CCNY: variants seen among roughly 807,000 people sequenced by gnomAD.
CCNY encodes the protein cyclin-Y.
A neutral mutation model predicts 42.8 loss-of-function variants in CCNY; 19 were observed. That is an observed-to-expected ratio of 0.44 (90% CI 0.31 to 0.65). CCNY has a LOEUF of 0.65. CCNY is among the 30% of genes least tolerant of loss of function. The pLI is 0.07. For synonymous variants in CCNY, 165 were observed against 162.7 expected (o/e 1.01, Z -0.11); for missense variants, 370 against 437.3 (o/e 0.85, Z 1.37).
chr10:35,439,811 C>T (rs1392700063), intron 1 of CCNY, among the ~76,000 whole-genome samples: 1 of 152,062 alleles, frequency 6.6e-6, no homozygotes, highest in East Asian at 1.9e-4. Flanking sequence ...TGGTGGGCCA[C>T]TCCCTTGTTA....
intron 1 of CCNY, among the ~76,000 whole-genome samples, chr10:35,354,517 G>A (rs1216447951): frequency 3.3e-5 from 5 of 152,306 alleles, no homozygotes; most frequent in African/African-American, 1.2e-4. Flanking sequence ...GAGCTTAGAA[G>A]TGACATTTCG....
In CCNY at chr10:35,566,096, T is replaced by C; in HGVS notation, c.820T>C (p.Tyr274His). 1 of 1,614,208 alleles carries C rather than the reference T, an allele frequency of 6.2e-7. No individual in the cohort carries two copies. The highest frequency in any genetic ancestry group is 8.5e-7 in the Non-Finnish European group (1 of 1,180,028). ...INVPSSVYAK[Y>H]YFDLRSLAEA... is the part of the protein sequence containing the mutation. ...TGTTCCTTCCAGTGTCTATGCCAAG[T>C]ATTATTTTGATCTTCGTTCTCTGGC... The change falls in exon 9 of 10, where the codon TAT becomes CAT. Residue 274 changes from tyrosine to histidine, a missense_variant. Around this residue, in one of 2 missense-constraint regions of CCNY, gnomAD observed 234 missense variants for 313.1 expected, o/e 0.75. Transcript: ENST00000374704.
chr10:35,542,513 G>A (rs1055028109), intron 7 of CCNY, among the ~76,000 whole-genome samples: 2 of 152,180 alleles, frequency 1.3e-5, no homozygotes, highest in African/African-American at 4.8e-5. Flanking sequence ...TATGCAGGCA[G>A]TTGTGTTCCA....
chr10:35,508,046 G>A (rs1273402361), intron 3 of CCNY, among the ~76,000 whole-genome samples: 2 of 152,096 alleles, frequency 1.3e-5, no homozygotes, highest in East Asian at 3.8e-4. Context: ...CAGTCTCTGG[G>A]CAGGTACTTT....
chr10:35,542,707 G>T (rs1463254194), intron 7 of CCNY, among the ~76,000 whole-genome samples: 1 of 152,214 alleles, frequency 6.6e-6, no homozygotes. Flanking sequence ...CCTTCTCAGA[G>T]TCTTGTGCTC....
chr10:35,523,735 T>C (rs1285137902), intron 4 of CCNY, among the ~76,000 whole-genome samples: 1 of 152,254 alleles, frequency 6.6e-6, no homozygotes, highest in Non-Finnish European at 1.5e-5. Context: ...TAAAAGTTAA[T>C]ATAAGATCAT....
chr10:35,264,233 T>C (rs907953241), intron 3 of CCNY, among the ~76,000 whole-genome samples: 3 of 151,706 alleles, frequency 2.0e-5, no homozygotes, highest in South Asian at 4.2e-4. Context: ...TATTTCTTTC[T>C]TTTTTTTTAT....
intron 1 of CCNY, among the ~76,000 whole-genome samples, chr10:35,407,922 G>A (rs536974768): frequency 3.3e-5 from 5 of 152,296 alleles, no homozygotes; most frequent in South Asian, 2.1e-4. Flanking sequence ...TCAGAGAGGC[G>A]TCCTCGCAAT....
At chr10:35,489,444 G>A (rs779925918) in intron 2 of CCNY, among the ~76,000 whole-genome samples, 51 of 152,032 alleles carry the variant, frequency 3.4e-4, no homozygotes, top group Non-Finnish European at 5.6e-4. Context: ...GGGACTACAG[G>A]CGCCCACCAC....
At position 35,530,313 on chromosome 10, in the gene CCNY, C is replaced by A; in HGVS notation, c.579+70C>A. On this transcript the variant is annotated intron_variant, in intron 7 of 9. Coordinates refer to ENST00000374704, the MANE Select transcript of CCNY (RefSeq NM_145012.6). This position sits in a 1 kb window ranked among gnomAD's most constrained non-coding sequence, Gnocchi z 4.3. Reference sequence around the variant, plus strand: ...TCCAGGGCCCGTTCCTGTTACTCAGCGGAGTGAGGTTGGAGCAGGGAATCC... The same window carrying A: ...TCCAGGGCCCGTTCCTGTTACTCAGAGGAGTGAGGTTGGAGCAGGGAATCC... 2 of 1,594,520 alleles carry A rather than the reference C, an allele frequency of 1.3e-6. No homozygotes were observed. The highest frequency in any genetic ancestry group is 2.2e-5 in the South Asian group (2 of 90,028).
At chr10:35,506,090 C>G (rs1840208182) in intron 3 of CCNY, among the ~76,000 whole-genome samples, 2 of 152,140 alleles carry the variant, frequency 1.3e-5, no homozygotes, top group African/African-American at 4.8e-5. Flanking sequence ...GCTTTTGCCT[C>G]TGGAATAGAA....
At chr10:35,499,643 G>T (rs1275535452) in intron 2 of CCNY, among the ~76,000 whole-genome samples, 1 of 152,212 alleles carries the variant, frequency 6.6e-6, no homozygotes, top group African/African-American at 2.4e-5. Flanking sequence ...TTTGCTGAAG[G>T]CAGGGGCTGA....
At chr10:35,468,678 C>G (rs1195743537) in intron 1 of CCNY, among the ~76,000 whole-genome samples, 1 of 152,028 alleles carries the variant, frequency 6.6e-6, no homozygotes. Flanking sequence ...AGATGGTGAG[C>G]CTGTCATCGG....
At chr10:35,486,993 C>T (rs1235216417) in intron 2 of CCNY, among the ~76,000 whole-genome samples, 6 of 152,190 alleles carry the variant, frequency 3.9e-5, no homozygotes, top group Admixed American at 6.5e-5. Context: ...GAATTTAAAA[C>T]GACCTTTTTG....
At chr10:35,307,332 G>A (rs1306895778) in intron 3 of CCNY, among the ~76,000 whole-genome samples, 3 of 152,362 alleles carry the variant, frequency 2.0e-5, no homozygotes, top group East Asian at 3.9e-4. Context: ...TTACAAAAAA[G>A]AGTCAGCCCA....
At chr10:35,373,027 T>C (rs931277238) in intron 1 of CCNY, among the ~76,000 whole-genome samples, 2 of 152,210 alleles carry the variant, frequency 1.3e-5, no homozygotes, top group Non-Finnish European at 2.9e-5. Flanking sequence ...CATGCTCTTA[T>C]TTCCTCTGCT....
Position 35,256,369 on chromosome 10 carries a change from C to A in CCNY, c.-9+5743C>A, listed in dbSNP as rs555089305. Among the ~76,000 whole-genome samples, 414 of 152,164 alleles carry A rather than the reference C, an allele frequency of 2.7e-3. 1 individual carries two copies. The highest frequency in any genetic ancestry group is 4.4e-3 in the Non-Finnish European group (301 of 68,014). ...TTGTGTGTATATCTGCAACTATTTT[C>A]TCTGGTTACCATGGAGATCGCATTT... On this transcript the variant is annotated intron_variant, in intron 3 of 11. Transcript: ENST00000374706.
At chr10:35,533,116 T>C (rs894790911) in intron 7 of CCNY, among the ~76,000 whole-genome samples, 1 of 152,100 alleles carries the variant, frequency 6.6e-6, no homozygotes, top group Non-Finnish European at 1.5e-5. Flanking sequence ...GGCAGGACAG[T>C]ATTAATAGCT....
At chr10:35,249,291 G>T (rs1054028926) in intron 2 of CCNY, among the ~76,000 whole-genome samples, 1 of 152,156 alleles carries the variant, frequency 6.6e-6, no homozygotes, top group Non-Finnish European at 1.5e-5. Context: ...GAGTTGTAGA[G>T]GTTTTATATT....
Sources: allele counts gnomAD v4.1 joint callset (sites outside exome capture counted in the v4.1 genomes callset), GRCh38; gene constraint gnomAD v4.1.1; regional missense constraint gnomAD v4.1.1; non-coding constraint Gnocchi (gnomAD v3.1); transcripts MANE v1.5; gene names NCBI Gene and HGNC (gene_info 2026-07-23, HGNC 2026-07-21).